The following PHF8 variants were observed in gnomAD, a reference collection of about 807,000 sequenced individuals.
PHF8 encodes the protein PHD finger protein 8.
Under a neutral mutation model 74.4 loss-of-function variants are expected in PHF8, and 9 were observed. That is an observed-to-expected ratio of 0.12 (90% CI 0.07 to 0.21). PHF8 has a LOEUF of 0.21. PHF8 is among the 10% of genes least tolerant of loss of function. The pLI is 1.00. For missense variants in PHF8, 478 were observed against 816.6 expected (o/e 0.59, Z 5.05); for synonymous variants, 311 against 316.6 (o/e 0.98, Z 0.19).
chrX:53,952,832 G>C (rs1557087341), intron 19 of PHF8, among the ~76,000 whole-genome samples: 1 of 102,986 alleles, frequency 9.7e-6, no homozygotes, highest in African/African-American at 3.6e-5. Context: ...GCAGTGAGCC[G>C]AGCCGAGATG....
At chrX:54,021,710 C>G (rs978264299) in intron 4 of PHF8, among the ~76,000 whole-genome samples, 1 of 109,020 alleles carries the variant, frequency 9.2e-6, no homozygotes, top group African/African-American at 3.3e-5. Flanking sequence ...CCTCGTGATC[C>G]GCCCGCCTCG....
chrX:54,007,946 G>A (rs140823663), intron 8 of PHF8, among the ~76,000 whole-genome samples: 1,328 of 111,937 alleles, frequency 0.012, 21 homozygotes, highest in African/African-American at 0.039. Context: ...ACAATAACTC[G>A]TACACGAATG....
At chrX:53,952,133 A>G (rs782675751) in intron 19 of PHF8, among the ~76,000 whole-genome samples, 28 of 109,829 alleles carry the variant, frequency 2.5e-4, no homozygotes, top group Non-Finnish European at 5.1e-4. Context: ...AAATACAAAA[A>G]ATTAGCCAGG....
chrX:53,948,214 A>G (rs1557085749), intron 19 of PHF8, among the ~76,000 whole-genome samples: 1 of 112,062 alleles, frequency 8.9e-6, no homozygotes, highest in Non-Finnish European at 1.9e-5. Context: ...GTATCTGAAG[A>G]TCTTAGGGAA....
At chrX:53,969,818 A>T (rs1557094056) in intron 18 of PHF8, among the ~76,000 whole-genome samples, 1 of 111,712 alleles carries the variant, frequency 9.0e-6, no homozygotes, top group East Asian at 2.8e-4. Context: ...AAATAAATCC[A>T]CCCACTTATA....
At chrX:54,030,229 T>C (rs1203206592) in intron 2 of PHF8, among the ~76,000 whole-genome samples, 1 of 111,546 alleles carries the variant, frequency 9.0e-6, no homozygotes, top group Non-Finnish European at 1.9e-5. Flanking sequence ...TTGCCTTACT[T>C]ATTATTCAAC....
chrX:53,939,449 G>A lies in PHF8; in HGVS notation c.2987-203C>T, dbSNP rs186692151. ...TTGACTCTTCCTCCTATGACCTCCTGTAGCAGCAAGACTCCCTGATTACAG... is the reference window on the plus strand; with the variant it reads ...TTGACTCTTCCTCCTATGACCTCCTATAGCAGCAAGACTCCCTGATTACAG... On this transcript the variant is annotated intron_variant, in intron 21 of 21. Transcript: ENST00000338154. 2.9e-3 allele frequency among the ~76,000 whole-genome samples: 318 copies of A among 111,483 alleles called. 1 individual carries two copies. The highest frequency in any genetic ancestry group is 5.3e-3 in the Non-Finnish European group (283 of 53,061).
At chrX:53,953,404 G>A (rs1267342113) in intron 19 of PHF8, among the ~76,000 whole-genome samples, 2 of 110,127 alleles carry the variant, frequency 1.8e-5, no homozygotes, top group African/African-American at 6.6e-5. Context: ...ACTTTGGGAG[G>A]CCAAGATGGG....
intron 19 of PHF8, among the ~76,000 whole-genome samples, chrX:53,961,516 G>A (rs1202713130): frequency 9.0e-6 from 1 of 110,947 alleles, no homozygotes; most frequent in Non-Finnish European, 1.9e-5. Flanking sequence ...TAGTAGAAAC[G>A]ACGTTTCACC....
intron 14 of PHF8, among the ~76,000 whole-genome samples, chrX:53,990,012 G>A (rs1283357766): frequency 9.0e-6 from 1 of 111,708 alleles, no homozygotes; most frequent in African/African-American, 3.3e-5. Context: ...AGCTATGTAT[G>A]CCCTGATCTT....
chrX:53,941,566 A>G, intron 20 of PHF8, among the ~76,000 whole-genome samples: 1 of 112,027 alleles, frequency 8.9e-6, no homozygotes, highest in East Asian at 2.8e-4. Context: ...TGCTGAGAGC[A>G]TGTAAATCAC....
At chrX:53,998,833 A>G (rs1222226065) in intron 11 of PHF8, among the ~76,000 whole-genome samples, 4 of 111,816 alleles carry the variant, frequency 3.6e-5, no homozygotes, top group Non-Finnish European at 7.5e-5. Flanking sequence ...GTATGCATCA[A>G]GAGCCTTACA....
In PHF8 at chrX:54,016,661, T is replaced by C; in HGVS notation, c.530A>G (p.Lys177Arg). 8.3e-7 allele frequency: 1 copy of C among 1,198,977 alleles called. No individual in the cohort carries two copies. The highest frequency in any genetic ancestry group is 1.1e-6 in the Non-Finnish European group (1 of 884,211). Residue 177 changes from lysine to arginine, a missense_variant, in exon 6 of 22, where the codon AAA becomes AGA. Lys to Arg is a conservative substitution (Grantham distance 26). Around this residue, in one of 9 missense-constraint regions of PHF8, gnomAD observed 70 missense variants for 234.1 expected, o/e 0.30. Transcript: ENST00000338154. ...DCKMKLGDFV[K>R]YYYSGKREKV... is the part of the protein sequence containing the mutation. ...CTCCCTCTTCCCGCTGTAATAGTAT[T>C]TCACAAAATCACCAAGCTTCATCTT...
intron 1 of PHF8, among the ~76,000 whole-genome samples, chrX:54,043,445 G>A (rs2066597779): frequency 9.0e-6 from 1 of 110,868 alleles, no homozygotes; most frequent in Admixed American, 9.6e-5. Flanking sequence ...CGACCAGTCA[G>A]GAGTCTCATC....
chrX:53,987,450 C>G (rs1282624161), intron 15 of PHF8, among the ~76,000 whole-genome samples: 1 of 112,016 alleles, frequency 8.9e-6, no homozygotes, highest in Admixed American at 9.5e-5. Context: ...TGGCTTGCAC[C>G]TGTAATCCCA....
At chrX:53,952,900 A>G (rs1346354993) in intron 19 of PHF8, among the ~76,000 whole-genome samples, 2 of 109,350 alleles carry the variant, frequency 1.8e-5, no homozygotes, top group African/African-American at 3.3e-5. Flanking sequence ...AAAAAAAAAA[A>G]AAAGAAAGAA....
chrX:54,017,374 G>C (rs1179337593), intron 5 of PHF8, among the ~76,000 whole-genome samples: 6 of 112,407 alleles, frequency 5.3e-5, no homozygotes, highest in Non-Finnish European at 9.4e-5. Flanking sequence ...TGGAGCCCAG[G>C]AGGAGGTGGA....
intron 18 of PHF8, among the ~76,000 whole-genome samples, chrX:53,979,661 A>C (rs1386420191): frequency 8.9e-6 from 1 of 112,328 alleles, no homozygotes; most frequent in Non-Finnish European, 1.9e-5. Context: ...TAATTTTATT[A>C]ATGTCATTCA....
intron 8 of PHF8, among the ~76,000 whole-genome samples, chrX:54,007,247 A>G (rs1364539578): frequency 8.9e-6 from 1 of 112,135 alleles, no homozygotes; most frequent in African/African-American, 3.2e-5. Context: ...TACCATACAC[A>G]AAATCAATAT....
Sources: gnomAD v4.1 joint callset for allele counts (sites outside exome capture counted in the v4.1 genomes callset) on GRCh38, gnomAD v4.1.1 for gene constraint, gnomAD v4.1.1 regional missense constraint, MANE v1.5 for transcripts, NCBI Gene and HGNC (gene_info 2026-07-23, HGNC 2026-07-21) for gene names.